Variants in SCN11A observed in about 807,000 individuals in gnomAD.
SCN11A encodes sodium channel protein type 11 subunit alpha.
SCN11A carries 122 observed loss-of-function variants against 162.2 expected under a neutral mutation model. The observed-to-expected ratio is 0.75, with a 90% CI of 0.65 to 0.87. The LOEUF is 0.87. Ranked by LOEUF, SCN11A falls within the 40% of genes least tolerant of loss-of-function variation. The pLI, the probability that SCN11A is intolerant of heterozygous loss-of-function variation, is 0.00. For missense variants in SCN11A, 2,015 were observed against 2,181.6 expected (o/e 0.92, Z 1.52); for synonymous variants, 758 against 751.5 (o/e 1.01, Z -0.14).
chr3:39,022,593 T>C (rs9837513), intron 2 of SCN11A, among the ~76,000 whole-genome samples: 10,571 of 152,052 alleles, frequency 0.07, 1,175 homozygotes, highest in African/African-American at 0.23. Context: ...TTAAACACAG[T>C]TTTTCTTGCC....
intron 28 of SCN11A, among the ~76,000 whole-genome samples, chr3:38,859,065 A>G (rs2126086219): frequency 6.6e-6 from 1 of 152,288 alleles, no homozygotes; most frequent in Admixed American, 6.5e-5. Flanking sequence ...CGTACATCAT[A>G]ATGTCTGAAA....
rs923668992 is a variant in SCN11A at position 38,896,183 on chromosome 3, T to C, written c.2403+662A>G. ...ACCTGCCTCAGTGTTGGCTTTGTTT[T>C]AGGCTGGCTCTTCTCATGGTTGCAT... On this transcript the variant is annotated intron_variant, in intron 18 of 29. Coordinates refer to ENST00000302328, the MANE Select transcript of SCN11A (RefSeq NM_001349253.2). 1.1e-4 allele frequency among the ~76,000 whole-genome samples: 16 copies of C among 152,354 alleles called. No individual in the cohort carries two copies. The South Asian group carries it at 3.3e-3, about 32-fold the overall frequency.
chr3:38,896,756 T>TAGAA (rs2065602922), intron 18 of SCN11A, 89 bp downstream of exon 18: 1 of 1,046,118 alleles, frequency 9.6e-7, no homozygotes, highest in Non-Finnish European at 1.3e-6. Context: ...ATAATAATTT[T>TAGAA]TACTAGTAAA....
chr3:38,951,602 C>G (rs1200523366), intron 4 of SCN11A, among the ~76,000 whole-genome samples: 2 of 152,262 alleles, frequency 1.3e-5, no homozygotes, highest in Non-Finnish European at 2.9e-5. Context: ...CTGGGTGAAG[C>G]CAGCTGAGCT....
intron 14 of SCN11A, among the ~76,000 whole-genome samples, chr3:38,907,321 T>C (rs2065809300): frequency 8.5e-5 from 1 of 11,764 alleles, no homozygotes; most frequent in Non-Finnish European, 3.3e-4. Context: ...TGTGTGTGTG[T>C]GTGTGTGTGT....
In SCN11A at chr3:38,925,431, T is replaced by TG; in HGVS notation, c.695dup (p.Ile233AsnfsTer57). The TG allele has an allele frequency of 6.2e-7, 1 of 1,611,052 alleles. No individual in the cohort carries two copies. Among genetic ancestry groups the TG allele is most frequent in the Non-Finnish European group, 8.5e-7 (1 of 1,177,238 alleles). ...GTGACTTACGTGAAACTACTGAAAT[T>TG]GCTTTCAAAGCTCTGAACACACGGA... On this transcript the variant is annotated frameshift_variant, in exon 9 of 30. Transcript: ENST00000302328. LOFTEE classifies it high-confidence loss of function.
chr3:38,990,605 T>C (rs1410112540), intron 2 of SCN11A, among the ~76,000 whole-genome samples: 1 of 152,158 alleles, frequency 6.6e-6, no homozygotes, highest in African/African-American at 2.4e-5. Context: ...GTGCTGGGCC[T>C]TTGAGAACAA....
chr3:38,847,373 G>A lies in SCN11A; in HGVS notation c.4697C>T (p.Ser1566Leu), dbSNP rs1162846096. The A allele has an allele frequency of 1.2e-6, 2 of 1,614,136 alleles. No homozygotes were observed. The highest frequency in any genetic ancestry group is 2.2e-5 in the South Asian group (2 of 91,082). ...LLSPMLRSKE[S>L]CNSSSENCHL... ...GCAGTTTTCTGAGGAAGAGTTACAT[G>A]ATTCTTTTGATCGCAGCATGGGGCT... Residue 1566 changes from serine (S) to leucine (L), a missense_variant, in exon 30 of 30, where the codon TCA becomes TTA. Ser to Leu is a moderately radical substitution (Grantham distance 145). Transcript: ENST00000302328.
chr3:38,925,706 C>CTGTT (rs1312069347), intron 8 of SCN11A, among the ~76,000 whole-genome samples, 197 bp from the exon 9 acceptor site: 1 of 152,242 alleles, frequency 6.6e-6, no homozygotes, highest in Admixed American at 6.5e-5. Flanking sequence ...GCAGAGGACG[C>CTGTT]TGTTCTCAGT....
At chr3:39,032,873 C>T (rs555799847) in intron 1 of SCN11A, among the ~76,000 whole-genome samples, 22 of 152,212 alleles carry the variant, frequency 1.4e-4, no homozygotes, top group South Asian at 1.2e-3. Flanking sequence ...AGAAACTGGC[C>T]AGGCACAGTG....
chr3:39,030,299 T>C (rs2031713895), intron 2 of SCN11A, among the ~76,000 whole-genome samples: 2 of 152,194 alleles, frequency 1.3e-5, no homozygotes, highest in Non-Finnish European at 2.9e-5. Flanking sequence ...CTGGTCGTGA[T>C]GGCTGGAGCT....
At chr3:38,968,941 C>T (rs1468640486) in intron 2 of SCN11A, among the ~76,000 whole-genome samples, 1 of 152,170 alleles carries the variant, frequency 6.6e-6, no homozygotes, top group African/African-American at 2.4e-5. Context: ...TATATGTGGT[C>T]TCCCACTAGC....
chr3:38,902,065 T>G (rs2065709656), intron 16 of SCN11A, among the ~76,000 whole-genome samples: 1 of 152,194 alleles, frequency 6.6e-6, no homozygotes, highest in African/African-American at 2.4e-5. Flanking sequence ...AGATCACCAC[T>G]GCAATTGGGA....
chr3:39,015,959 A>T (rs954188440), intron 2 of SCN11A, among the ~76,000 whole-genome samples: 6 of 152,098 alleles, frequency 3.9e-5, no homozygotes. Flanking sequence ...CTGGTCTCGA[A>T]CTTCTGACCT....
chr3:39,037,452 G>T (rs79970606), intron 1 of SCN11A, among the ~76,000 whole-genome samples: 1 of 152,048 alleles, frequency 6.6e-6, no homozygotes, highest in East Asian at 1.9e-4. Context: ...ATAATTTGTT[G>T]TATGTTTTAG....
intron 2 of SCN11A, among the ~76,000 whole-genome samples, chr3:39,021,471 A>G (rs1427839589): frequency 1.3e-5 from 2 of 152,210 alleles, no homozygotes; most frequent in African/African-American, 4.8e-5. Flanking sequence ...AAGACAAGAA[A>G]GACCCTGGTG....
At chr3:39,001,757 G>A (rs115436519) in intron 2 of SCN11A, among the ~76,000 whole-genome samples, 4,187 of 152,018 alleles carry the variant, frequency 0.028, 208 homozygotes, top group African/African-American at 0.095. Context: ...ATTATTGGCC[G>A]GGCGCAGTGG....
intron 4 of SCN11A, among the ~76,000 whole-genome samples, chr3:38,951,960 C>T (rs988702462): frequency 1.5e-4 from 23 of 152,028 alleles, no homozygotes; most frequent in Non-Finnish European, 2.9e-4. Flanking sequence ...GCTGGGGTCC[C>T]CTTCCACACT....
chr3:38,943,102 C>A (rs888317207), intron 7 of SCN11A, among the ~76,000 whole-genome samples: 1 of 151,810 alleles, frequency 6.6e-6, no homozygotes, highest in Non-Finnish European at 1.5e-5. Context: ...AAAACTATAT[C>A]CATTCAATGG....
Sources: allele counts gnomAD v4.1 joint callset (sites outside exome capture counted in the v4.1 genomes callset), GRCh38; gene constraint gnomAD v4.1.1; transcripts MANE v1.5; gene names NCBI Gene and HGNC (gene_info 2026-07-23, HGNC 2026-07-21).